Variants in TASP1 observed in about 807,000 individuals in gnomAD.
The protein encoded by TASP1 is taspase 1.
In TASP1, 16 loss-of-function variants were observed where a neutral mutation model predicts 56.6. The observed-to-expected ratio is 0.28, with a 90% CI of 0.19 to 0.43. The LOEUF is 0.43. TASP1 is among the 20% of genes least tolerant of loss of function. The pLI is 1.00. For missense variants in TASP1, 393 were observed against 511.6 expected (o/e 0.77, Z 2.24); for synonymous variants, 179 against 184.2 (o/e 0.97, Z 0.23).
the TASP1 span, among the ~76,000 whole-genome samples, chr20:13,140,803 GA>G: frequency 6.6e-6 from 1 of 152,182 alleles, no homozygotes; most frequent in South Asian, 2.1e-4. Context: ...AAAAAAGAGT[GA>G]CACTTATAAT....
chr20:13,594,735 C>A (rs1012417480), intron 4 of TASP1, among the ~76,000 whole-genome samples: 3 of 151,926 alleles, frequency 2.0e-5, no homozygotes, highest in Non-Finnish European at 4.4e-5. Context: ...GTGAAAAGAC[C>A]AAATCTACGT....
the TASP1 span, among the ~76,000 whole-genome samples, chr20:13,367,262 G>A: frequency 7.9e-5 from 12 of 152,336 alleles, no homozygotes; most frequent in East Asian, 2.3e-3. Context: ...GCTTTTAACT[G>A]TCTTGGGCTT....
At chr20:13,558,217 A>G (rs1175558921) in intron 8 of TASP1, among the ~76,000 whole-genome samples, 1 of 152,218 alleles carries the variant, frequency 6.6e-6, no homozygotes, top group Non-Finnish European at 1.5e-5. Flanking sequence ...GATGAATGCT[A>G]AGGTACATCA....
In TASP1 at chr20:13,562,866, C is replaced by A. The variant is rs1466188760; in HGVS notation, c.569-3752G>T. On this transcript the variant is annotated intron_variant, in intron 7 of 13. Coordinates refer to ENST00000337743, the MANE Select transcript of TASP1 (RefSeq NM_017714.3). ...CACTCCAGCCTGGTCAAGAGCAAGACCTTGTCTCAAAAAAAAAAAAAAAAT... is the reference window on the plus strand; with the variant it reads ...CACTCCAGCCTGGTCAAGAGCAAGAACTTGTCTCAAAAAAAAAAAAAAAAT... 2.7e-5 allele frequency among the ~76,000 whole-genome samples: 4 copies of A among 145,708 alleles called. No homozygotes were observed. The East Asian group carries it at 8.1e-4, about 30-fold the overall frequency.
intron 11 of TASP1, among the ~76,000 whole-genome samples, chr20:13,454,333 G>A (rs746547962): frequency 6.6e-6 from 1 of 152,156 alleles, no homozygotes; most frequent in African/African-American, 2.4e-5. Flanking sequence ...CTTAGGAAAC[G>A]TCTGTGGTAG....
At chr20:13,535,347 T>C (rs758220188) in intron 8 of TASP1, among the ~76,000 whole-genome samples, 13 of 152,052 alleles carry the variant, frequency 8.5e-5, no homozygotes, top group South Asian at 2.1e-4. Flanking sequence ...AGAAGTAGAG[T>C]GTGCCACAAC....
chr20:13,283,446 AATTTATAT>A, the TASP1 span, among the ~76,000 whole-genome samples: 2 of 152,170 alleles, frequency 1.3e-5, no homozygotes, highest in Non-Finnish European at 2.9e-5. Flanking sequence ...TTTTAGTAAG[AATTTATAT>A]ATTTGTCCGC....
At chr20:13,393,366 G>C (rs1266610962) in intron 13 of TASP1, 4 of 744,028 alleles carry the variant, frequency 5.4e-6, no homozygotes, top group Non-Finnish European at 7.3e-6. Context: ...CAATGGCATG[G>C]CCTTCCATGT....
chr20:13,299,493 G>C, the TASP1 span: 2 of 1,563,118 alleles, frequency 1.3e-6, no homozygotes, highest in African/African-American at 2.7e-5. The surrounding 1 kb of genome is among the most constrained non-coding windows in gnomAD (Gnocchi z 5.8). Context: ...CGCTGCCTCT[G>C]GTTCTGGAGC....
chr20:13,421,702 C>G (rs1394155427), intron 12 of TASP1, among the ~76,000 whole-genome samples: 1 of 152,096 alleles, frequency 6.6e-6, no homozygotes, highest in Admixed American at 6.5e-5. Context: ...AAGTTTGAAA[C>G]AACATCGTGT....
chr20:13,180,127 TA>T, the TASP1 span, among the ~76,000 whole-genome samples: 3 of 152,188 alleles, frequency 2.0e-5, no homozygotes, highest in Non-Finnish European at 4.4e-5. Flanking sequence ...GAGAAAAATC[TA>T]GTAATGATTT....
chr20:13,399,866 A>G (rs1345345213), intron 13 of TASP1, among the ~76,000 whole-genome samples: 1 of 152,158 alleles, frequency 6.6e-6, no homozygotes, highest in Non-Finnish European at 1.5e-5. Flanking sequence ...ACTCTGACCC[A>G]CTAAGACCGG....
At chr20:13,628,428 T>C (rs958515007) in intron 2 of TASP1, among the ~76,000 whole-genome samples, 2 of 152,238 alleles carry the variant, frequency 1.3e-5, no homozygotes, top group African/African-American at 4.8e-5. Context: ...GCAGAAGCTC[T>C]AGTCCCAGGT....
At chr20:13,621,507 T>C (rs1004255329) in intron 4 of TASP1, among the ~76,000 whole-genome samples, 5 of 152,268 alleles carry the variant, frequency 3.3e-5, no homozygotes, top group East Asian at 1.9e-4. Flanking sequence ...GGAAGAATTC[T>C]ATGCTACCAT....
the TASP1 span, among the ~76,000 whole-genome samples, chr20:13,209,307 C>T: frequency 6.6e-6 from 1 of 152,140 alleles, no homozygotes; most frequent in Admixed American, 6.5e-5. Flanking sequence ...GTAGCATTAT[C>T]ACAGCAAAAA....
chr20:13,145,837 A>T, the TASP1 span, among the ~76,000 whole-genome samples: 3 of 152,242 alleles, frequency 2.0e-5, no homozygotes, highest in Non-Finnish European at 4.4e-5. Context: ...ATAAGACTGC[A>T]TATCTTCAAC....
At chr20:13,363,862 T>C in the TASP1 span, among the ~76,000 whole-genome samples, 1 of 126,346 alleles carries the variant, frequency 7.9e-6, no homozygotes, top group African/African-American at 3.1e-5. Context: ...AAAGAAACAG[T>C]TTTGTTTTTT....
chr20:13,309,990 T>A, the TASP1 span, among the ~76,000 whole-genome samples: 1 of 152,164 alleles, frequency 6.6e-6, no homozygotes, highest in Non-Finnish European at 1.5e-5. Flanking sequence ...TGGAAGAATT[T>A]ATATCACAAA....
At chr20:13,403,720 A>G (rs1225628168) in intron 13 of TASP1, among the ~76,000 whole-genome samples, 3 of 152,130 alleles carry the variant, frequency 2.0e-5, no homozygotes, top group Non-Finnish European at 4.4e-5. Context: ...TGTCTTGACA[A>G]GAAATAAAAT....
Sources: gnomAD v4.1 joint callset for allele counts (sites outside exome capture counted in the v4.1 genomes callset) on GRCh38, gnomAD v4.1.1 for gene constraint, Gnocchi (gnomAD v3.1) non-coding constraint, MANE v1.5 for transcripts, NCBI Gene and HGNC (gene_info 2026-07-23, HGNC 2026-07-21) for gene names.